Variants in SDK2 observed in about 807,000 individuals in gnomAD.
SDK2 encodes the protein sidekick cell adhesion molecule 2, also known as protein sidekick-2.
A neutral mutation model predicts 253.9 loss-of-function variants in SDK2; 105 were observed. The observed-to-expected ratio is 0.41, with a 90% confidence interval of 0.35 to 0.49. The LOEUF is 0.49. Among genes scored for constraint, SDK2 ranks in the 20% least tolerant of loss-of-function variants. The pLI is 0.06. For missense variants in SDK2, 2,608 were observed against 3,003.0 expected (o/e 0.87, Z 3.07); for synonymous variants, 1,249 against 1,234.9 (o/e 1.01, Z -0.24).
chr17:73,478,513 C>T (rs184859841), intron 2 of SDK2, among the ~76,000 whole-genome samples: 7 of 152,254 alleles, frequency 4.6e-5, no homozygotes, highest in East Asian at 1.9e-4. Context: ...GATTTTAATC[C>T]GGCAGGACCC....
intron 4 of SDK2, among the ~76,000 whole-genome samples, chr17:73,449,454 A>C (rs2063475934): frequency 6.6e-6 from 1 of 152,016 alleles, no homozygotes; most frequent in African/African-American, 2.4e-5. Context: ...GCACTCTCCC[A>C]GCCCGGCTGT....
intron 1 of SDK2, among the ~76,000 whole-genome samples, chr17:73,636,166 C>T (rs145531307): frequency 6.6e-6 from 1 of 152,196 alleles, no homozygotes; most frequent in East Asian, 1.9e-4. Flanking sequence ...GATGTTGGGA[C>T]CAGAGAGGCC....
chr17:73,415,943 C>T lies in SDK2; in HGVS notation c.2236G>A (p.Asp746Asn). The change falls in exon 17 of 45, where the codon GAT becomes AAT. Residue 746 changes from aspartate (D) to asparagine (N), a missense_variant. Asp to Asn is a conservative substitution (Grantham distance 23, BLOSUM62 1). Transcript: ENST00000392650. Reference sequence around the variant, plus strand: ...AGCAGCAGGTTGTTCACATCAGCATCCGTGATGTTCTTAAACTGGTACCCC... The same window carrying T: ...AGCAGCAGGTTGTTCACATCAGCATTCGTGATGTTCTTAAACTGGTACCCC... Reference protein sequence around the residue: ...PVGYQFKNITDADVNNLLLED... With the variant: ...PVGYQFKNITNADVNNLLLED... The T allele has an allele frequency of 6.2e-7, 1 of 1,611,630 alleles. No individual in the cohort carries two copies. The highest frequency in any genetic ancestry group is 8.5e-7 in the Non-Finnish European group (1 of 1,179,068).
rs1211550393 is a variant in SDK2, at chr17:73,629,430, C to T, written c.64+14595G>A. Among the ~76,000 whole-genome samples the T allele has an allele frequency of 6.6e-6, 1 of 152,180 alleles. No homozygotes were observed. Among genetic ancestry groups the T allele is most frequent in the East Asian group, 1.9e-4 (1 of 5,194 alleles). On this transcript the variant is annotated intron_variant, in intron 1 of 44. Transcript: ENST00000392650. This position sits in a 1 kb window ranked among gnomAD's most constrained non-coding sequence, Gnocchi z 5.0. Reference sequence around the variant, plus strand: ...TGCAAGTGACCCTGAGTGTAAGCACCTGAGGGCAGAAGCCACTTGGGGTGT... The same window carrying T: ...TGCAAGTGACCCTGAGTGTAAGCACTTGAGGGCAGAAGCCACTTGGGGTGT...
At position 73,350,744 on chromosome 17, in the gene SDK2, G is replaced by C. The variant is rs1369647985; in HGVS notation, c.5805C>G (p.Val1935=). Reference sequence around the variant, plus strand: ...TGAAGATGAGGCCGACCAGGGCAATGACCACCAAGAACCACCACTCCTCAT... The same window carrying C: ...TGAAGATGAGGCCGACCAGGGCAATCACCACCAAGAACCACCACTCCTCAT... ...PFYEEWWFLV[V]IALVGLIFIL... Residue 1935 remains valine (V), a synonymous_variant, in exon 42 of 45, where the codon GTC becomes GTG. Transcript: ENST00000392650. 6.2e-7 allele frequency: 1 copy of C among 1,613,586 alleles called. No individual in the cohort carries two copies. The highest frequency in any genetic ancestry group is 1.7e-4 in the Middle Eastern group (1 of 6,056).
chr17:73,348,833 CTG>C (rs2062509143), intron 43 of SDK2, 108 bp from the exon 44 acceptor site: 6 of 857,662 alleles, frequency 7.0e-6, no homozygotes, highest in Non-Finnish European at 1.1e-5. Flanking sequence ...CCCTGCCACC[CTG>C]TGCTCCTCCT....
At chr17:73,466,728 G>GCCC (rs1555584446) in intron 3 of SDK2, among the ~76,000 whole-genome samples, 1 of 75,596 alleles carries the variant, frequency 1.3e-5, no homozygotes, top group Non-Finnish European at 2.7e-5. Flanking sequence ...CCCCCCCCCC[G>GCCC]GCTTAGGCTC....
chr17:73,354,375 G>A (rs182553446), intron 40 of SDK2, among the ~76,000 whole-genome samples: 2 of 152,178 alleles, frequency 1.3e-5, no homozygotes, highest in African/African-American at 2.4e-5. Flanking sequence ...CAGTCAGAGC[G>A]GTGCGGGTGC....
intron 18 of SDK2, among the ~76,000 whole-genome samples, chr17:73,413,757 G>A (rs1346002468): frequency 1.3e-5 from 2 of 152,276 alleles, no homozygotes; most frequent in Admixed American, 6.5e-5. Flanking sequence ...TCAGCGGTGC[G>A]AGCAGTGCAT....
chr17:73,511,433 G>A lies in SDK2; in HGVS notation c.65-3836C>T, dbSNP rs76468505. Among the ~76,000 whole-genome samples the A allele has an allele frequency of 0.019, 2,883 of 152,278 alleles. 80 individuals carry two copies. Among genetic ancestry groups the A allele is most frequent in the African/African-American group, 0.065 (2,706 of 41,546 alleles). Reference sequence around the variant, plus strand: ...CTGGGCAATTTCCTCCCAGGTCCGCGTTTGCCAGTTCATTCTTCAAGCCCT... The same window carrying A: ...CTGGGCAATTTCCTCCCAGGTCCGCATTTGCCAGTTCATTCTTCAAGCCCT... On this transcript the variant is annotated intron_variant, in intron 1 of 44. Transcript: ENST00000392650. The surrounding 1 kb of genome is among the most constrained non-coding windows in gnomAD (Gnocchi z 4.9).
At chr17:73,355,871 C>G (rs774605619) in intron 40 of SDK2, among the ~76,000 whole-genome samples, 1 of 152,136 alleles carries the variant, frequency 6.6e-6, no homozygotes, top group Non-Finnish European at 1.5e-5. Context: ...AATTTTAGTA[C>G]TGGGGTACAA....
chr17:73,555,623 C>T (rs537963198), intron 1 of SDK2, among the ~76,000 whole-genome samples: 1 of 152,318 alleles, frequency 6.6e-6, no homozygotes, highest in South Asian at 2.1e-4. Context: ...TCATCTCCCT[C>T]TCTGCCTCAA....
At chr17:73,404,085 A>G (rs1281554286) in intron 18 of SDK2, among the ~76,000 whole-genome samples, 2 of 152,146 alleles carry the variant, frequency 1.3e-5, no homozygotes, top group Non-Finnish European at 2.9e-5. Context: ...CCTTAAAACA[A>G]TATCACTGGG....
intron 1 of SDK2, among the ~76,000 whole-genome samples, chr17:73,599,226 A>G (rs2045803816): frequency 6.6e-6 from 1 of 152,104 alleles, no homozygotes; most frequent in Non-Finnish European, 1.5e-5. Context: ...GGTAGGAGGG[A>G]GTGAGAAAAG....
At chr17:73,419,107 A>G in intron 16 of SDK2, 59 bp downstream of exon 16, 2 of 1,580,748 alleles carry the variant, frequency 1.3e-6, no homozygotes, top group Non-Finnish European at 1.7e-6. Flanking sequence ...TCCACTCCCG[A>G]TCTTCCCCCA....
rs373743512 is a variant in SDK2 at position 73,383,527 on chromosome 17, C to T, written c.4705+349G>A. Reference sequence around the variant, plus strand: ...ACTTGGCATCATCCTTCCGTGTTAGCGCCAGTGCTGGTGCCGGGGAAGCCT... The same window carrying T: ...ACTTGGCATCATCCTTCCGTGTTAGTGCCAGTGCTGGTGCCGGGGAAGCCT... On this transcript the variant is annotated intron_variant, in intron 33 of 44. Transcript: ENST00000392650. The surrounding 1 kb of genome is among the most constrained non-coding windows in gnomAD (Gnocchi z 4.3). 3.3e-5 allele frequency among the ~76,000 whole-genome samples: 5 copies of T among 152,184 alleles called. No individual in the cohort carries two copies. Among genetic ancestry groups the T allele is most frequent in the Non-Finnish European group, 5.9e-5 (4 of 68,036 alleles).
chr17:73,531,026 T>C (rs1683570080), intron 1 of SDK2, among the ~76,000 whole-genome samples: 1 of 152,158 alleles, frequency 6.6e-6, no homozygotes, highest in East Asian at 1.9e-4. Flanking sequence ...TCCTCCTCCT[T>C]TTCCCGCCTT....
intron 18 of SDK2, among the ~76,000 whole-genome samples, chr17:73,412,245 CTGGA>C (rs2063145629): frequency 6.8e-6 from 1 of 146,706 alleles, no homozygotes; most frequent in Non-Finnish European, 1.5e-5. Flanking sequence ...TACATATATC[CTGGA>C]ACATATACAT....
At position 73,352,361 on chromosome 17, in the gene SDK2, C is replaced by CCCGCCCCATG; in HGVS notation, c.5758+102_5758+111dup. 1 of 1,340,754 alleles carries CCCGCCCCATG rather than the reference C, an allele frequency of 7.5e-7. No homozygotes were observed. The highest frequency in any genetic ancestry group is 1.5e-5 in the African/African-American group (1 of 68,932). 83.1% of individuals were successfully genotyped at this position (1,340,754 alleles called of 1,614,324 possible). A position where few individuals can be genotyped will look rare whatever the true frequency, so the allele number is the denominator to read the frequency against. ...CCCGAGGGGACAATGTGTTTTTGTT[C>CCCGCCCCATG]CCGCCCCATGCTCCTGGTGCCCTGG... On this transcript the variant is annotated intron_variant, in intron 41 of 44. Coordinates refer to ENST00000392650, the MANE Select transcript of SDK2 (RefSeq NM_001144952.2). The surrounding 1 kb of genome is among the most constrained non-coding windows in gnomAD (Gnocchi z 4.1).
Sources: allele counts gnomAD v4.1 joint callset (sites outside exome capture counted in the v4.1 genomes callset), GRCh38; gene constraint gnomAD v4.1.1; non-coding constraint Gnocchi (gnomAD v3.1); transcripts MANE v1.5; gene names NCBI Gene and HGNC (gene_info 2026-07-23, HGNC 2026-07-21).